DNAH10: variants seen among roughly 807,000 people sequenced by gnomAD.
DNAH10 encodes the protein axonemal beta dynein heavy chain 10.
A neutral mutation model predicts 506.6 loss-of-function variants in DNAH10; 348 were observed. That is an observed-to-expected ratio of 0.69 (90% CI 0.63 to 0.75). The LOEUF (loss-of-function observed/expected upper bound fraction) is 0.75. Ranked by LOEUF, DNAH10 falls within the 30% of genes least tolerant of loss-of-function variation. The probability of loss-of-function intolerance (pLI) is 0.00; values close to 1 mark genes in which losing one functional copy is unlikely to be tolerated. For synonymous variants in DNAH10, 2,059 were observed against 2,198.6 expected (o/e 0.94, Z 1.78); for missense variants, 5,179 against 5,787.1 (o/e 0.89, Z 3.41).
At position 123,819,032 on chromosome 12, in the gene DNAH10, A is replaced by C. The variant is rs114004925; in HGVS notation, c.3863A>C (p.His1288Pro). Residue 1288 changes from histidine to proline, a missense_variant, in exon 22 of 79, where the codon CAT (histidine) becomes CCT (proline). Physicochemically the swap from His to Pro is moderately conservative, Grantham distance 77. This residue lies in a region of DNAH10 where 4,844 missense variants were observed against 5,430.5 expected (regional missense o/e 0.89). Transcript: ENST00000673944. ...NLFNDSVNVEHALGDIKRTFT... is the reference protein window; with the variant it reads ...NLFNDSVNVEPALGDIKRTFT... ...TTTAATGATTCAGTGAATGTGGAGC[A>C]TGCTCTTGGGGACATAAAGAGAACT... 2 of 1,605,888 alleles carry C rather than the reference A, an allele frequency of 1.2e-6. No individual in the cohort carries two copies. Among genetic ancestry groups the C allele is most frequent in the Admixed American group, 1.7e-5 (1 of 58,838 alleles).
At chr12:123,862,791 A>G (rs1001498949) in intron 39 of DNAH10, among the ~76,000 whole-genome samples, 2 of 152,196 alleles carry the variant, frequency 1.3e-5, no homozygotes, top group Non-Finnish European at 2.9e-5. Context: ...TTGTATCAAT[A>G]TTACATTTCC....
rs368960173 is a variant in DNAH10 at position 123,924,665 on chromosome 12, C to T, written c.11766+233C>T. Among the ~76,000 whole-genome samples the T allele has an allele frequency of 6.3e-5, 9 of 143,510 alleles. No homozygotes were observed. In the East Asian group the frequency reaches 1.5e-3, roughly 25 times the overall value. The allele number at this position is 143,510 out of a possible 152,430, so 94.1% of individuals were successfully genotyped here. On this transcript the variant is annotated intron_variant, in intron 67 of 78. Coordinates refer to ENST00000673944, the MANE Select transcript of DNAH10 (RefSeq NM_001372106.1). ...GTCCATCCATCCATCCACCTACCCACCCACCCATCCATCCATTTACCCACC... is the reference window on the plus strand; with the variant it reads ...GTCCATCCATCCATCCACCTACCCATCCACCCATCCATCCATTTACCCACC...
rs1960050630 is a variant in DNAH10 at position 123,826,865 on chromosome 12, T to C, written c.4358T>C (p.Leu1453Pro). ...MKAFKDSIPL[L>P]LDLKNEALRD... Reference sequence around the variant, plus strand: ...GCATTCAAAGACTCGATTCCTTTACTTCTTGACTTGAAAAACGAGGCACTA... The same window carrying C: ...GCATTCAAAGACTCGATTCCTTTACCTCTTGACTTGAAAAACGAGGCACTA... Residue 1453 changes from leucine to proline, a missense_variant, in exon 25 of 79, where the codon CTT becomes CCT. Leu to Pro is a moderately conservative substitution (Grantham distance 98, BLOSUM62 -3). This residue lies in a region of DNAH10 where 4,844 missense variants were observed against 5,430.5 expected (regional missense o/e 0.89). Coordinates refer to ENST00000673944, the MANE Select transcript of DNAH10 (RefSeq NM_001372106.1). The C allele has an allele frequency of 1.2e-6, 2 of 1,613,652 alleles. No individual in the cohort carries two copies. Among genetic ancestry groups the C allele is most frequent in the Non-Finnish European group, 1.7e-6 (2 of 1,179,654 alleles).
intron 56 of DNAH10, among the ~76,000 whole-genome samples, chr12:123,899,404 G>A (rs767131025): frequency 3.9e-5 from 6 of 152,034 alleles, no homozygotes; most frequent in Non-Finnish European, 7.4e-5. Flanking sequence ...TCCCCAGCTT[G>A]TTCCCAGATT....
At chr12:123,800,169 G>C (rs759023618) in intron 14 of DNAH10, 47 bp from the exon 15 acceptor site, 2 of 1,584,876 alleles carry the variant, frequency 1.3e-6, no homozygotes, top group Non-Finnish European at 1.7e-6. Context: ...TGATCCAACT[G>C]TCTCTTGGAC....
At chr12:123,782,750 T>C (rs778163215) in intron 6 of DNAH10, among the ~76,000 whole-genome samples, 2 of 152,128 alleles carry the variant, frequency 1.3e-5, no homozygotes, top group Non-Finnish European at 2.9e-5. Context: ...TTTCCCCTGA[T>C]GTCATTTTTC....
Position 123,917,920 on chromosome 12 carries a change from A to C in DNAH10, c.11232+107A>C. The C allele has an allele frequency of 7.2e-5, 92 of 1,286,394 alleles. No homozygotes were observed. The highest frequency in any genetic ancestry group is 9.0e-5 in the Non-Finnish European group (84 of 932,910). The allele number at this position is 1,286,394 out of a possible 1,614,324, so 79.7% of individuals were successfully genotyped here. A position where few individuals can be genotyped will look rare whatever the true frequency, so the allele number is the denominator to read the frequency against. The stretch of plus-strand genomic sequence containing the variant: ...TGAGAAAATGGGGCTCTGTGATCTC[A>C]GGGCTAAAAACCCACCTCTATTGGG... On this transcript the variant is annotated intron_variant, in intron 64 of 78. Coordinates refer to ENST00000673944, the MANE Select transcript of DNAH10 (RefSeq NM_001372106.1). The surrounding 1 kb of genome is among the most constrained non-coding windows in gnomAD (Gnocchi z 5.6).
chr12:123,931,433 G>C lies in DNAH10; in HGVS notation c.12877G>C (p.Asp4293His). ...EIGYYTQAAR[D>H]MWAHLLELQP... Reference sequence around the variant, plus strand: ...TGGCTATTACACGCAGGCGGCTCGAGACATGTGGGCTCACCTGCTGGAGCT... The same window carrying C: ...TGGCTATTACACGCAGGCGGCTCGACACATGTGGGCTCACCTGCTGGAGCT... The change falls in exon 74 of 79, where the codon GAC becomes CAC. Residue 4293 changes from aspartate (D) to histidine (H), a missense_variant. By Grantham distance (81) the Asp-to-His change is moderately conservative. Around this residue, in one of 3 missense-constraint regions of DNAH10, gnomAD observed 4,844 missense variants for 5,430.5 expected, o/e 0.89. Transcript: ENST00000673944. 6.2e-7 allele frequency: 1 copy of C among 1,613,988 alleles called. No homozygotes were observed. Among genetic ancestry groups the C allele is most frequent in the Non-Finnish European group, 8.5e-7 (1 of 1,179,884 alleles).
chr12:123,911,085 C>T (rs1183024427), intron 59 of DNAH10, among the ~76,000 whole-genome samples: 1 of 149,496 alleles, frequency 6.7e-6, no homozygotes, highest in East Asian at 2.0e-4. Flanking sequence ...TGGCACACAC[C>T]TGTACTGCCA....
chr12:123,831,377 T>A (rs1960527311), intron 26 of DNAH10, among the ~76,000 whole-genome samples: 1 of 152,160 alleles, frequency 6.6e-6, no homozygotes, highest in South Asian at 2.1e-4. Flanking sequence ...TACACATATA[T>A]GTATATAGTC....
Position 123,894,634 on chromosome 12 carries a change from C to G in DNAH10, c.9200-9C>G. 6.2e-7 allele frequency: 1 copy of G among 1,613,362 alleles called. No individual in the cohort carries two copies. Among genetic ancestry groups the G allele is most frequent in the Non-Finnish European group, 8.5e-7 (1 of 1,179,344 alleles). On this transcript the variant is annotated splice_polypyrimidine_tract_variant and intron_variant, in intron 53 of 78. Transcript: ENST00000673944. Reference sequence around the variant, plus strand: ...GGGAGCATCTTTTTAATCTCTCTTTCCTTTCAAGGTATGGTAAATAACACT... The same window carrying G: ...GGGAGCATCTTTTTAATCTCTCTTTGCTTTCAAGGTATGGTAAATAACACT...
At chr12:123,835,298 C>A in intron 27 of DNAH10, 108 bp from the exon 28 acceptor site, 1 of 1,324,974 alleles carries the variant, frequency 7.5e-7, no homozygotes, top group East Asian at 2.5e-5. Flanking sequence ...GGAAGGTCCT[C>A]CCACCTGAGT....
chr12:123,918,993 G>T, intron 65 of DNAH10, 44 bp downstream of exon 65: 2 of 1,503,618 alleles, frequency 1.3e-6, no homozygotes, highest in Non-Finnish European at 1.8e-6. Context: ...GTAGTTTGGT[G>T]TGCCAGACGT....
chr12:123,896,328 G>A (rs866014940), intron 54 of DNAH10, among the ~76,000 whole-genome samples: 7 of 152,170 alleles, frequency 4.6e-5, no homozygotes, highest in African/African-American at 1.2e-4. Flanking sequence ...GACCAGCTCT[G>A]CAGAATCTGG....
rs186053924 is a variant in DNAH10 at position 123,870,536 on chromosome 12, G to A, written c.7639+51G>A. ...CTGGGTTTAGGAGTGTGTGATACTCGCTCTAGGAGGAGGCAAAGAAGATCC... is the reference window on the plus strand; with the variant it reads ...CTGGGTTTAGGAGTGTGTGATACTCACTCTAGGAGGAGGCAAAGAAGATCC... On this transcript the variant is annotated intron_variant, in intron 44 of 78. Transcript: ENST00000673944. 6.7e-4 allele frequency: 1,064 copies of A among 1,580,170 alleles called. 7 individuals carry two copies. Among genetic ancestry groups the A allele is most frequent in the East Asian group, 3.4e-4 (15 of 44,156 alleles).
chr12:123,788,837 G>A (rs1445203604), intron 10 of DNAH10, among the ~76,000 whole-genome samples: 6 of 105,594 alleles, frequency 5.7e-5, no homozygotes, highest in Admixed American at 4.1e-4. Flanking sequence ...GAGGTGGCAC[G>A]TTGGCTTGAG....
chr12:123,833,284 G>A lies in DNAH10; in HGVS notation c.4716G>A (p.Gly1572=), dbSNP rs1473368397. Residue 1572 remains glycine, a synonymous_variant, in exon 27 of 79, where the codon GGG becomes GGA. Transcript: ENST00000673944. ...LQSISGSRFV[G]PFLQTVHKWE... ...GCATCTCAGGAAGCAGATTTGTGGG[G>A]CCTTTTCTGCAAACTGTTCACAAAT... is the stretch of plus-strand genomic sequence containing the variant. 19 of 1,613,714 alleles carry A rather than the reference G, an allele frequency of 1.2e-5. No homozygotes were observed. Among genetic ancestry groups the A allele is most frequent in the Non-Finnish European group, 1.6e-5 (19 of 1,179,868 alleles).
At chr12:123,767,816 GC>G (rs1204617679) in intron 2 of DNAH10, 127 bp downstream of exon 2, 3 of 784,432 alleles carry the variant, frequency 3.8e-6, no homozygotes, top group Non-Finnish European at 6.4e-6. Flanking sequence ...AAGAGAAAGT[GC>G]TGGGTCATGA....
At chr12:123,831,674 C>T (rs1367327413) in intron 26 of DNAH10, among the ~76,000 whole-genome samples, 2 of 152,084 alleles carry the variant, frequency 1.3e-5, no homozygotes, top group Admixed American at 1.3e-4. Flanking sequence ...GGGTGGATCA[C>T]GAGGTCAGGA....
Sources: allele counts gnomAD v4.1 joint callset (sites outside exome capture counted in the v4.1 genomes callset), GRCh38; gene constraint gnomAD v4.1.1; regional missense constraint gnomAD v4.1.1; non-coding constraint Gnocchi (gnomAD v3.1); transcripts MANE v1.5; gene names NCBI Gene and HGNC (gene_info 2026-07-23, HGNC 2026-07-21).